Variants in DAB1 observed in about 807,000 individuals in gnomAD.
The protein encoded by DAB1 is disabled homolog 1.
A neutral mutation model predicts 64.6 loss-of-function variants in DAB1; 15 were observed. The ratio of observed to expected loss-of-function variants is 0.23; its 90% CI spans 0.16 to 0.36. The LOEUF (loss-of-function observed/expected upper bound fraction) is 0.36. Ranked by LOEUF, DAB1 falls within the 10% of genes least tolerant of loss-of-function variation. DAB1 has a pLI of 1.00. For synonymous variants in DAB1, 235 were observed against 251.9 expected (o/e 0.93, Z 0.64); for missense variants, 596 against 706.7 (o/e 0.84, Z 1.78).
chr1:58,428,736 A>G lies in DAB1; in HGVS notation n.257+77324T>C, dbSNP rs1040538482. ...CTCTATTGGAAAGAGAGGAAAGTTG[A>G]TGAGAGTAGAGTGCTAGAGCATGTA... On this transcript the variant is annotated intron_variant and non_coding_transcript_variant, in intron 3 of 20. Coordinates refer to the DAB1 transcript ENST00000485760. Among the ~76,000 whole-genome samples, 19 of 152,250 alleles carry G rather than the reference A, an allele frequency of 1.2e-4. 1 individual carries two copies. The highest frequency in any genetic ancestry group is 2.4e-5 in the African/African-American group (1 of 41,468).
At chr1:57,430,312 T>C (rs1457882099) in intron 7 of DAB1, among the ~76,000 whole-genome samples, 1 of 152,174 alleles carries the variant, frequency 6.6e-6, no homozygotes, top group Admixed American at 6.5e-5. Context: ...AAATAGTTTG[T>C]AGTACTTGCA....
chr1:57,424,417 G>A (rs1042734316), upstream of DAB1, among the ~76,000 whole-genome samples: 9 of 151,860 alleles, frequency 5.9e-5, no homozygotes, highest in Admixed American at 6.6e-5. Flanking sequence ...CTCCATCCCA[G>A]CGTGGAAGGG....
chr1:57,527,397 T>C (rs1644605630), intron 7 of DAB1, among the ~76,000 whole-genome samples: 1 of 152,192 alleles, frequency 6.6e-6, no homozygotes, highest in Non-Finnish European at 1.5e-5. Flanking sequence ...CTGTGCTAAG[T>C]ATGCAACACA....
At chr1:57,032,472 C>T (rs1043998258) in intron 9 of DAB1, among the ~76,000 whole-genome samples, 3 of 152,152 alleles carry the variant, frequency 2.0e-5, no homozygotes, top group African/African-American at 7.2e-5. Context: ...ACACTCATTC[C>T]TTCTCCCACA....
At chr1:58,305,123 C>T (rs1297605513) in intron 4 of DAB1, among the ~76,000 whole-genome samples, 1 of 152,072 alleles carries the variant, frequency 6.6e-6, no homozygotes, top group East Asian at 1.9e-4. Flanking sequence ...AGGCTATTCA[C>T]AGGTGCAATT....
upstream of DAB1, among the ~76,000 whole-genome samples, chr1:57,885,118 C>G (rs1375616698): frequency 1.3e-5 from 2 of 152,172 alleles, no homozygotes; most frequent in Non-Finnish European, 2.9e-5. Flanking sequence ...CAGAGCTAAT[C>G]ACAGATCTTT....
rs368666558 is a variant in DAB1 at position 57,019,126 on chromosome 1, C to T, written c.896-3695G>A. Among the ~76,000 whole-genome samples the T allele has an allele frequency of 1.3e-3, 200 of 152,316 alleles. 3 individuals are homozygous for T. The South Asian group carries it at 0.04, about 30-fold the overall frequency. ...GCAATTGCCTGGTTGTTCTATCTTC[C>T]CTGATGAGACTAGAAACCACCTGCT... is the stretch of plus-strand genomic sequence containing the variant. On this transcript the variant is annotated intron_variant, in intron 11 of 14. Transcript: ENST00000371236.
chr1:57,207,875 C>T (rs1377189948), intron 2 of DAB1, among the ~76,000 whole-genome samples: 1 of 152,134 alleles, frequency 6.6e-6, no homozygotes, highest in African/African-American at 2.4e-5. Context: ...AATAAAGGCT[C>T]AGTTCAAAAC....
intron 7 of DAB1, among the ~76,000 whole-genome samples, chr1:57,473,391 G>T (rs547021341): frequency 6.6e-6 from 1 of 152,072 alleles, no homozygotes; most frequent in African/African-American, 2.4e-5. Flanking sequence ...GATGTTCCCC[G>T]CTGCAGTCAC....
intron 1 of DAB1, among the ~76,000 whole-genome samples, chr1:57,343,523 C>A (rs1367519993): frequency 3.9e-5 from 6 of 152,230 alleles, no homozygotes; most frequent in African/African-American, 1.4e-4. Context: ...TGGGGAGGCT[C>A]CGCCGCACAA....
intron 5 of DAB1, among the ~76,000 whole-genome samples, chr1:57,956,214 A>G (rs796167497): frequency 5.9e-5 from 9 of 152,338 alleles, no homozygotes; most frequent in African/African-American, 2.2e-4. Context: ...TCAAGAGAGA[A>G]GAGCTCAAGG....
chr1:58,427,112 G>C (rs1489042554), intron 3 of DAB1, among the ~76,000 whole-genome samples: 1 of 152,140 alleles, frequency 6.6e-6, no homozygotes, highest in Non-Finnish European at 1.5e-5. Flanking sequence ...GGGTGGAGTA[G>C]AGTGCAGTGA....
chr1:58,356,885 A>C (rs1340183308), intron 3 of DAB1, among the ~76,000 whole-genome samples: 3 of 151,788 alleles, frequency 2.0e-5, no homozygotes, highest in African/African-American at 7.3e-5. Context: ...ATTAGCTGGG[A>C]ATGGTGGTGC....
rs528893145 is a variant in DAB1 at position 58,345,236 on chromosome 1, G to A, written n.258-1833C>T. Among the ~76,000 whole-genome samples, 6 of 152,198 alleles carry A rather than the reference G, an allele frequency of 3.9e-5. No individual in the cohort carries two copies. In the South Asian group the frequency reaches 8.3e-4, roughly 21 times the overall value. On this transcript the variant is annotated intron_variant and non_coding_transcript_variant, in intron 3 of 20. Coordinates refer to the DAB1 transcript ENST00000485760. ...CAGTAGTCTCATTTCGCCACTTCTT[G>A]GAACAACCCATTTCCCAGCTGAATC... is the stretch of plus-strand genomic sequence containing the variant.
intron 4 of DAB1, among the ~76,000 whole-genome samples, chr1:58,231,612 C>T (rs1005521375): frequency 2.0e-5 from 3 of 152,084 alleles, no homozygotes; most frequent in Admixed American, 2.0e-4. Context: ...CTAGAGACCC[C>T]ACATCTATGC....
intron 4 of DAB1, among the ~76,000 whole-genome samples, chr1:58,290,752 T>C (rs1007477764): frequency 5.3e-5 from 8 of 152,110 alleles, no homozygotes; most frequent in African/African-American, 1.4e-4. Flanking sequence ...TTTGTTGAAA[T>C]AAAGGGGACT....
At chr1:57,594,786 C>T (rs1415979654) in intron 7 of DAB1, among the ~76,000 whole-genome samples, 1 of 152,188 alleles carries the variant, frequency 6.6e-6, no homozygotes, top group Non-Finnish European at 1.5e-5. Flanking sequence ...TCTCGGCTCA[C>T]TGCAAGCTCC....
chr1:57,329,477 G>A (rs532669284), intron 1 of DAB1, among the ~76,000 whole-genome samples: 39 of 151,512 alleles, frequency 2.6e-4, no homozygotes, highest in Middle Eastern at 3.4e-3. Flanking sequence ...TTGCCTTTCC[G>A]GTTTTTTTGC....
intron 4 of DAB1, among the ~76,000 whole-genome samples, chr1:58,222,028 T>A (rs1659197817): frequency 6.6e-6 from 1 of 152,204 alleles, no homozygotes; most frequent in African/African-American, 2.4e-5. Context: ...AAGTATTTAA[T>A]CCATTAGAAT....
Sources: gnomAD v4.1 joint callset for allele counts (sites outside exome capture counted in the v4.1 genomes callset) on GRCh38, gnomAD v4.1.1 for gene constraint, MANE v1.5 for transcripts, NCBI Gene and HGNC (gene_info 2026-07-23, HGNC 2026-07-21) for gene names.